SORCS2: variants seen among roughly 807,000 people sequenced by gnomAD.
SORCS2 encodes the protein sortilin related VPS10 domain containing receptor 2, also known as VPS10 domain-containing receptor SorCS2.
A neutral mutation model predicts 141.6 loss-of-function variants in SORCS2; 100 were observed. The ratio of observed to expected loss-of-function variants is 0.71; its 90% CI spans 0.60 to 0.83. The LOEUF (loss-of-function observed/expected upper bound fraction) is 0.83, where lower values mean the gene tolerates loss of function less well. SORCS2 is among the 40% of genes least tolerant of loss of function. SORCS2 has a pLI of 0.00. For synonymous variants in SORCS2, 789 were observed against 676.9 expected, an observed-to-expected ratio of 1.17 and a Z score of -2.57; for missense variants, 1,646 against 1,560.2, an observed-to-expected ratio of 1.05 and a Z score of -0.93.
intron 2 of SORCS2, among the ~76,000 whole-genome samples, chr4:7,397,578 C>T (rs1724296132): frequency 6.6e-6 from 1 of 152,092 alleles, no homozygotes; most frequent in Non-Finnish European, 1.5e-5. Flanking sequence ...TGTTCCCTGC[C>T]ACGGCCCCCC....
At chr4:7,681,953 G>A (rs575373459) in intron 9 of SORCS2, among the ~76,000 whole-genome samples, 64 of 152,250 alleles carry the variant, frequency 4.2e-4, no homozygotes, top group Non-Finnish European at 5.9e-4. Context: ...GGGCATTCCC[G>A]TGCCTCTTCA....
intron 1 of SORCS2, among the ~76,000 whole-genome samples, chr4:7,215,242 G>A (rs546440868): frequency 1.3e-5 from 2 of 152,310 alleles, no homozygotes; most frequent in Non-Finnish European, 2.9e-5. Flanking sequence ...CGGCCCTGCT[G>A]GCCCCGGGCA....
chr4:7,466,113 CA>C (rs113571092), intron 2 of SORCS2, among the ~76,000 whole-genome samples: 2,735 of 152,326 alleles, frequency 0.018, 88 homozygotes, highest in African/African-American at 0.061. Context: ...TATGAATGTG[CA>C]AGCATTCTCT....
chr4:7,387,764 A>C (rs1723519711), intron 1 of SORCS2, among the ~76,000 whole-genome samples: 1 of 147,450 alleles, frequency 6.8e-6, no homozygotes, highest in South Asian at 2.1e-4. Flanking sequence ...ACACAGAAAT[A>C]CACACATGCA....
chr4:7,704,157 T>C lies in SORCS2; in HGVS notation c.1761-20T>C. The C allele has an allele frequency of 1.2e-6, 2 of 1,605,096 alleles. No homozygotes were observed. Among genetic ancestry groups the C allele is most frequent in the Non-Finnish European group, 1.7e-6 (2 of 1,175,924 alleles). On this transcript the variant is annotated intron_variant, in intron 13 of 26. Transcript: ENST00000507866. ...GCTTTCCAGCCCACCCCAGAGATGC[T>C]GACGATCTTCTCCTGGCAGGTTCAG...
intron 1 of SORCS2, among the ~76,000 whole-genome samples, chr4:7,292,045 G>A (rs1435950984): frequency 1.3e-5 from 2 of 152,210 alleles, no homozygotes; most frequent in Admixed American, 6.5e-5. Flanking sequence ...GGCTGGCCCT[G>A]GAGGGGACCG....
intron 8 of SORCS2, among the ~76,000 whole-genome samples, chr4:7,670,270 C>T (rs191318572): frequency 2.0e-5 from 3 of 151,920 alleles, no homozygotes; most frequent in African/African-American, 7.3e-5. Context: ...AAGGGTGGGC[C>T]GTTTTTATAT....
chr4:7,366,697 C>T (rs1448204961), intron 1 of SORCS2, among the ~76,000 whole-genome samples: 9 of 152,046 alleles, frequency 5.9e-5, no homozygotes, highest in South Asian at 4.2e-4. Context: ...TCCCCTGCCC[C>T]GGCACCTCCA....
rs373599430 is a variant in SORCS2 at position 7,225,543 on chromosome 4, C to A, written c.480+32417C>A. On this transcript the variant is annotated intron_variant, in intron 1 of 26. Coordinates refer to ENST00000507866, the MANE Select transcript of SORCS2 (RefSeq NM_020777.3). The stretch of plus-strand genomic sequence containing the variant: ...GCCAACGCTTGATGATGGCTGCAGT[C>A]CTGGGAAGGGGCTGGGACCGGGGCT... 2.1e-4 allele frequency among the ~76,000 whole-genome samples: 32 copies of A among 152,286 alleles called. 1 individual carries two copies. The East Asian group carries it at 4.3e-3, about 20-fold the overall frequency.
At chr4:7,352,003 C>A (rs1175833968) in intron 1 of SORCS2, among the ~76,000 whole-genome samples, 1 of 152,160 alleles carries the variant, frequency 6.6e-6, no homozygotes, top group Non-Finnish European at 1.5e-5. Context: ...ACCACTTACC[C>A]ATCCACCCCT....
chr4:7,481,682 T>C (rs1730644402), intron 2 of SORCS2, among the ~76,000 whole-genome samples: 1 of 151,598 alleles, frequency 6.6e-6, no homozygotes, highest in Non-Finnish European at 1.5e-5. Context: ...TAGGGAAGGG[T>C]CTCCTGAGCC....
At chr4:7,563,787 A>C (rs1040364248) in intron 3 of SORCS2, among the ~76,000 whole-genome samples, 2 of 152,216 alleles carry the variant, frequency 1.3e-5, no homozygotes, top group Non-Finnish European at 2.9e-5. Flanking sequence ...TCTCATGTGC[A>C]CGTACTGTTC....
intron 3 of SORCS2, among the ~76,000 whole-genome samples, chr4:7,622,451 G>A (rs532229269): frequency 2.0e-5 from 3 of 152,266 alleles, no homozygotes; most frequent in East Asian, 1.9e-4. Context: ...CAGAGAGGCC[G>A]GGGCACAACT....
intron 3 of SORCS2, among the ~76,000 whole-genome samples, chr4:7,600,638 A>G (rs1421777218): frequency 1.5e-5 from 2 of 134,474 alleles, no homozygotes; most frequent in African/African-American, 2.9e-5. Context: ...TTTTTAGATT[A>G]CGATATACAT....
rs1236825136 is a variant in SORCS2, at chr4:7,723,749, C to A, written c.2477C>A (p.Ala826Asp). The A allele has an allele frequency of 6.2e-7, 1 of 1,614,022 alleles. No individual in the cohort carries two copies. The highest frequency in any genetic ancestry group is 1.1e-5 in the South Asian group (1 of 91,086). ...YQVDLGDGFKAMYVNLTLTGE... is the reference protein window; with the variant it reads ...YQVDLGDGFKDMYVNLTLTGE... ...GTAGACCTTGGGGACGGCTTCAAGGCCATGTACGTGAACCTTACACTGACC... is the reference window on the plus strand; with the variant it reads ...GTAGACCTTGGGGACGGCTTCAAGGACATGTACGTGAACCTTACACTGACC... The change falls in exon 19 of 27, where the codon GCC (alanine) becomes GAC (aspartate). Residue 826 changes from alanine to aspartate, a missense_variant. Physicochemically the swap from Ala to Asp is moderately radical, Grantham distance 126. Transcript: ENST00000507866.
intron 9 of SORCS2, among the ~76,000 whole-genome samples, chr4:7,682,422 G>A (rs1229053847): frequency 6.6e-6 from 1 of 152,182 alleles, no homozygotes; most frequent in Non-Finnish European, 1.5e-5. Context: ...TGAGGGACAG[G>A]CAGGTCAGGG....
intron 2 of SORCS2, among the ~76,000 whole-genome samples, chr4:7,398,138 C>T (rs774409738): frequency 1.1e-4 from 17 of 151,924 alleles, no homozygotes; most frequent in Non-Finnish European, 2.1e-4. Flanking sequence ...GCTTAGTTTA[C>T]GTTTGCTGGA....
At chr4:7,543,810 ATCCATCCAT>A (rs1712970293) in intron 3 of SORCS2, among the ~76,000 whole-genome samples, 1 of 19,792 alleles carries the variant, frequency 5.1e-5, no homozygotes, top group Non-Finnish European at 2.2e-4. Flanking sequence ...CCATCCATCC[ATCCATCCAT>A]CTACCCATCT....
chr4:7,298,892 G>A (rs1344758070), intron 1 of SORCS2, among the ~76,000 whole-genome samples: 3 of 152,230 alleles, frequency 2.0e-5, no homozygotes, highest in East Asian at 1.9e-4. Flanking sequence ...CCGCAAGCCC[G>A]CCTCCATTCA....
Sources: gnomAD v4.1 joint callset for allele counts (sites outside exome capture counted in the v4.1 genomes callset) on GRCh38, gnomAD v4.1.1 for gene constraint, MANE v1.5 for transcripts, NCBI Gene and HGNC (gene_info 2026-07-23, HGNC 2026-07-21) for gene names.